The following USP39 variants were observed in gnomAD, a reference collection of about 807,000 sequenced individuals.
The protein encoded by USP39 is ubiquitin carboxyl-terminal hydrolase 39.
A neutral mutation model predicts 66.4 loss-of-function variants in USP39; 38 were observed. The ratio of observed to expected loss-of-function variants is 0.57; its 90% CI spans 0.44 to 0.75. USP39 has a LOEUF of 0.75. Ranked by LOEUF, USP39 falls within the 30% of genes least tolerant of loss-of-function variation. The pLI is 0.00. For synonymous variants in USP39, 303 were observed against 274.6 expected, an observed-to-expected ratio of 1.10 and a Z score of -1.02; for missense variants, 608 against 714.4, an observed-to-expected ratio of 0.85 and a Z score of 1.70.
intron 5 of USP39, among the ~76,000 whole-genome samples, chr2:85,626,849 C>G (rs182897567): frequency 0.017 from 2,525 of 152,020 alleles, 66 homozygotes; most frequent in African/African-American, 0.058. Context: ...TCCCGAGTAG[C>G]TGGGATTACA....
intron 6 of USP39, among the ~76,000 whole-genome samples, chr2:85,635,646 C>T (rs1675710532): frequency 6.6e-6 from 1 of 152,162 alleles, no homozygotes; most frequent in South Asian, 2.1e-4. Flanking sequence ...AATCTGCTTT[C>T]AGAACCCCTT....
At chr2:85,645,279 T>A in intron 11 of USP39, 196 bp downstream of exon 11, 1 of 196,368 alleles carries the variant, frequency 5.1e-6, no homozygotes, top group Non-Finnish European at 8.5e-6. Context: ...CTTGGGAGCT[T>A]TTTTTTTTTT....
At chr2:85,637,460 T>G (rs758565277) in intron 8 of USP39, 24 bp downstream of exon 8, 2 of 1,612,226 alleles carry the variant, frequency 1.2e-6, no homozygotes, top group South Asian at 2.2e-5. Context: ...GCCTGGGTCT[T>G]GGACTGATTC....
At chr2:85,625,791 G>C in intron 5 of USP39, 100 bp downstream of exon 5, 1 of 1,457,360 alleles carries the variant, frequency 6.9e-7, no homozygotes, top group South Asian at 1.3e-5. Context: ...GGCCAAGGCA[G>C]GCGGATTGCC....
intron 1 of USP39, among the ~76,000 whole-genome samples, chr2:85,605,436 T>C (rs1673179902): frequency 6.6e-6 from 1 of 152,232 alleles, no homozygotes; most frequent in South Asian, 2.1e-4. Context: ...CTCCTGCCTC[T>C]GAGAAGGCAG....
chr2:85,628,759 G>GTAAA (rs1396777372), intron 5 of USP39, among the ~76,000 whole-genome samples: 1 of 152,160 alleles, frequency 6.6e-6, no homozygotes, highest in Non-Finnish European at 1.5e-5. Context: ...TGTTTTGAGA[G>GTAAA]TAAATCTCTC....
chr2:85,638,518 GTTTAA>G (rs1168658249), intron 8 of USP39, among the ~76,000 whole-genome samples: 5 of 149,872 alleles, frequency 3.3e-5, no homozygotes, highest in African/African-American at 5.1e-5. Context: ...TTTTATTTTT[GTTTAA>G]TTTAATTAAT....
At chr2:85,611,489 C>G, upstream of USP39, 2 of 1,549,980 alleles carry the variant, frequency 1.3e-6, no homozygotes, top group South Asian at 1.2e-5. Context: ...GCTTATGAGT[C>G]GTCCCAGTTC....
intron 11 of USP39, among the ~76,000 whole-genome samples, chr2:85,646,907 A>T: frequency 7.3e-6 from 1 of 137,388 alleles, no homozygotes. Context: ...TTTTTTTTTA[A>T]GACAGAGTCT....
Position 85,623,754 on chromosome 2 carries a change from T to A in USP39, c.542T>A (p.Ile181Asn). The change falls in exon 4 of 13, where the codon ATC (isoleucine) becomes AAC (asparagine). Residue 181 changes from isoleucine to asparagine, a missense_variant. By Grantham distance (149) the Ile-to-Asn change is moderately radical (BLOSUM62 -3). Transcript: ENST00000323701. ...TACTGCCTTCCAGACAACTATGAGA[T>A]CATCGATTCCTCATTGGAGGATATC... The part of the protein sequence containing the change: ...KFYCLPDNYE[I>N]IDSSLEDITY... 1 of 1,613,314 alleles carries A rather than the reference T, an allele frequency of 6.2e-7. No homozygotes were observed. Among genetic ancestry groups the A allele is most frequent in the Non-Finnish European group, 8.5e-7 (1 of 1,179,730 alleles).
At chr2:85,633,854 T>G (rs1573429326) in intron 6 of USP39, among the ~76,000 whole-genome samples, 2 of 130,752 alleles carry the variant, frequency 1.5e-5, no homozygotes, top group South Asian at 4.7e-4. Context: ...TTTTTTTTTT[T>G]TGAGACAGAG....
rs748222143 is a variant in USP39, at chr2:85,616,440, C to T, written c.245C>T (p.Ser82Leu). 2.5e-6 allele frequency: 4 copies of T among 1,568,902 alleles called. No individual in the cohort carries two copies. Among genetic ancestry groups the T allele is most frequent in the African/African-American group, 2.8e-5 (2 of 72,690 alleles). The part of the protein sequence containing the change: ...VKREREVDED[S>L]EPEREVRAKN... ...CGGGAGCGCGAGGTCGATGAGGACT[C>T]GGAGCCTGAGCGGGAGGTGCGAGGT... Residue 82 changes from serine to leucine, a missense_variant, in exon 1 of 13, where the codon TCG becomes TTG. Transcript: ENST00000323701.
At chr2:85,638,717 A>G (rs1268450144) in intron 8 of USP39, among the ~76,000 whole-genome samples, 1 of 151,690 alleles carries the variant, frequency 6.6e-6, no homozygotes, top group Non-Finnish European at 1.5e-5. Context: ...TTGTATTTTT[A>G]GTAGAGACGG....
At chr2:85,609,044 A>G (rs1480018120), upstream of USP39, 1 of 1,614,024 alleles carries the variant, frequency 6.2e-7, no homozygotes, top group African/African-American at 1.3e-5. Flanking sequence ...ACACCTTCTC[A>G]CTCACCTTTC....
Position 85,626,252 on chromosome 2 carries a change from G to A in USP39, c.723+561G>A, listed in dbSNP as rs538022634. Among the ~76,000 whole-genome samples the A allele has an allele frequency of 3.3e-5, 5 of 152,154 alleles. No individual in the cohort carries two copies. In the South Asian group the frequency reaches 6.2e-4, roughly 19 times the overall value. On this transcript the variant is annotated intron_variant, in intron 5 of 12. Transcript: ENST00000323701. ...TGCATGCCTGTAATCTCAGCTATTC[G>A]GGAGGCTGAGGCAGGAGAATCACTT... is the stretch of plus-strand genomic sequence containing the variant.
intron 10 of USP39, among the ~76,000 whole-genome samples, chr2:85,643,228 C>T (rs1573448508): frequency 6.6e-6 from 1 of 152,126 alleles, no homozygotes; most frequent in Non-Finnish European, 1.5e-5. Context: ...CGGTGGCTCA[C>T]ACCTGTAATC....
chr2:85,623,280 A>G (rs1290126499), intron 3 of USP39, among the ~76,000 whole-genome samples: 1 of 151,932 alleles, frequency 6.6e-6, no homozygotes, highest in African/African-American at 2.4e-5. Context: ...ATGCACACAT[A>G]TATGCATAGA....
intron 5 of USP39, among the ~76,000 whole-genome samples, chr2:85,630,364 C>G (rs1476876781): frequency 6.6e-6 from 1 of 152,114 alleles, no homozygotes; most frequent in African/African-American, 2.4e-5. Flanking sequence ...GGATTATAGC[C>G]TTCTGCCTTA....
At chr2:85,623,810 G>A (rs1399738780) in intron 4 of USP39, 28 bp downstream of exon 4, 1 of 1,595,902 alleles carries the variant, frequency 6.3e-7, no homozygotes, top group Non-Finnish European at 8.5e-7. Flanking sequence ...TTGGTTTGGG[G>A]TCCATTCTTT....
Sources: allele counts gnomAD v4.1 joint callset (sites outside exome capture counted in the v4.1 genomes callset), GRCh38; gene constraint gnomAD v4.1.1; transcripts MANE v1.5; gene names NCBI Gene and HGNC (gene_info 2026-07-23, HGNC 2026-07-21).